Variants in ECI2 observed in about 807,000 individuals in gnomAD.
The protein encoded by ECI2 is enoyl-CoA delta isomerase 2.
In ECI2, 27 loss-of-function variants were observed where a neutral mutation model predicts 38.4. That is an observed-to-expected ratio of 0.70 (90% CI 0.52 to 0.97). The LOEUF is 0.97. Among genes scored for constraint, ECI2 ranks in the 50% least tolerant of loss-of-function variants. The pLI, the probability that ECI2 is intolerant of heterozygous loss-of-function variation, is 0.00. For missense variants in ECI2, 470 were observed against 474.4 expected, an observed-to-expected ratio of 0.99 and a Z score of 0.09; for synonymous variants, 168 against 172.0, an observed-to-expected ratio of 0.98 and a Z score of 0.18.
chr6:4,132,557 T>C (rs1225913906), intron 2 of ECI2, among the ~76,000 whole-genome samples: 3 of 152,170 alleles, frequency 2.0e-5, no homozygotes, highest in Non-Finnish European at 2.9e-5. Flanking sequence ...ATACCCATCA[T>C]AGGACAGAAA....
chr6:4,119,983 G>A (rs1347599157), intron 7 of ECI2, among the ~76,000 whole-genome samples: 1 of 152,200 alleles, frequency 6.6e-6, no homozygotes, highest in South Asian at 2.1e-4. Flanking sequence ...CCATGCTGTT[G>A]TATGTATTAG....
In ECI2 at chr6:4,135,426, G is replaced by A. The variant is rs532835655; in HGVS notation, c.50+85C>T. The A allele has an allele frequency of 2.5e-5, 40 of 1,605,734 alleles. No homozygotes were observed. In the African/African-American group the frequency reaches 4.4e-4, roughly 18 times the overall value. On this transcript the variant is annotated intron_variant, in intron 1 of 9. Coordinates refer to ENST00000380118, the MANE Select transcript of ECI2 (RefSeq NM_206836.3). ...TTGCCACCTAGACAATAGGGAAGGA[G>A]GGTCTTCCAACGGCGGCGACCTTCG...
At chr6:4,134,227 A>C (rs1459114365) in intron 1 of ECI2, among the ~76,000 whole-genome samples, 1 of 152,240 alleles carries the variant, frequency 6.6e-6, no homozygotes, top group Non-Finnish European at 1.5e-5. Context: ...ATGTGAACAT[A>C]CAAGAAATAT....
At chr6:4,131,384 G>A (rs1446364799) in intron 2 of ECI2, among the ~76,000 whole-genome samples, 1 of 152,178 alleles carries the variant, frequency 6.6e-6, no homozygotes, top group Non-Finnish European at 1.5e-5. Context: ...AAACCTAACT[G>A]AAGAACATGT....
chr6:4,130,680 T>C, intron 3 of ECI2, 87 bp downstream of exon 3: 4 of 1,602,184 alleles, frequency 2.5e-6, no homozygotes, highest in South Asian at 1.1e-5. Flanking sequence ...ATCAAGATCT[T>C]GAAGACTCCA....
intron 4 of ECI2, among the ~76,000 whole-genome samples, chr6:4,128,907 C>T (rs892535990): frequency 2.6e-5 from 4 of 152,152 alleles, no homozygotes; most frequent in Non-Finnish European, 5.9e-5. Context: ...GATGACTGTA[C>T]ATGAATAAGC....
At position 4,133,843 on chromosome 6, in the gene ECI2, A is replaced by C. The variant is rs553389311; in HGVS notation, c.51-132T>G. The C allele has an allele frequency of 3.7e-5, 41 of 1,105,742 alleles. 1 individual carries two copies. In the South Asian group the frequency reaches 8.6e-4, roughly 23 times the overall value. The allele number at this position is 1,105,742 out of a possible 1,614,324, so 68.5% of individuals were successfully genotyped here. On this transcript the variant is annotated intron_variant, in intron 1 of 9. Transcript: ENST00000380118. ...TAGATATTTTCTTTATACTTGCCTC[A>C]GCAAACTGGCTGCAAATAATTGGCT...
chr6:4,127,404 C>CTTTT lies in ECI2; in HGVS notation c.571+354_571+357dup, dbSNP rs71001567. Among the ~76,000 whole-genome samples the CTTTT allele has an allele frequency of 1.9e-3, 143 of 75,892 alleles. 25 individuals are homozygous for CTTTT. The highest frequency in any genetic ancestry group is 6.0e-3 in the African/African-American group (110 of 18,314). The allele number at this position is 75,892 out of a possible 152,430, so 49.8% of individuals were successfully genotyped here. A position where few individuals can be genotyped will look rare whatever the true frequency, so the allele number is the denominator to read the frequency against. ...ACAGTACTGGAAAAGATCTTAGAGC[C>CTTTT]TTTTTTTTTTTTTTTTTTTTTTTTT... On this transcript the variant is annotated intron_variant, in intron 5 of 9. Transcript: ENST00000380118.
intron 7 of ECI2, among the ~76,000 whole-genome samples, chr6:4,120,609 C>T (rs1351474260): frequency 1.3e-5 from 2 of 151,932 alleles, no homozygotes; most frequent in Non-Finnish European, 2.9e-5. Flanking sequence ...CACCTGGAGT[C>T]CCAGCTACTC....
chr6:4,127,916 A>G, intron 4 of ECI2, 85 bp from the exon 5 acceptor site: 1 of 1,345,408 alleles, frequency 7.4e-7, no homozygotes, highest in Non-Finnish European at 1.0e-6. Flanking sequence ...TCAGGCTGCA[A>G]GCTTGCTCTC....
intron 2 of ECI2, among the ~76,000 whole-genome samples, chr6:4,133,218 T>C (rs901720596): frequency 7.2e-5 from 11 of 152,234 alleles, no homozygotes; most frequent in African/African-American, 2.7e-4. Flanking sequence ...TAACACTCTG[T>C]CCTTACTCAA....
At chr6:4,134,134 A>C (rs754726188) in intron 1 of ECI2, among the ~76,000 whole-genome samples, 4 of 152,234 alleles carry the variant, frequency 2.6e-5, no homozygotes, top group Non-Finnish European at 5.9e-5. Context: ...GATAAGCCAT[A>C]AGCTATATCA....
At chr6:4,122,487 C>T (rs1294038033) in intron 7 of ECI2, among the ~76,000 whole-genome samples, 1 of 151,956 alleles carries the variant, frequency 6.6e-6, no homozygotes, top group Non-Finnish European at 1.5e-5. Flanking sequence ...TCCCAAAGTG[C>T]TAAGATTACA....
chr6:4,119,162 A>G, intron 8 of ECI2, 24 bp downstream of exon 8: 1 of 1,574,266 alleles, frequency 6.4e-7, no homozygotes, highest in Non-Finnish European at 8.7e-7. Context: ...ATAAAATTTT[A>G]TATTTAAACA....
At position 4,135,550 on chromosome 6, in the gene ECI2, G is replaced by A; in HGVS notation, c.11C>T (p.Ala4Val). 2.0e-6 allele frequency: 3 copies of A among 1,505,268 alleles called. No homozygotes were observed. The highest frequency in any genetic ancestry group is 1.4e-5 in the African/African-American group (1 of 69,468). The allele number at this position is 1,505,268 out of a possible 1,614,324, so 93.2% of individuals were successfully genotyped here. A position where few individuals can be genotyped will look rare whatever the true frequency, so the allele number is the denominator to read the frequency against. The change falls in exon 1 of 10, where the codon GCG (alanine) becomes GTG (valine). Residue 4 changes from alanine to valine, a missense_variant. Coordinates refer to ENST00000380118, the MANE Select transcript of ECI2 (RefSeq NM_206836.3). ...CCGCGCCAGTCTCCAAGCCAAGTAC[G>A]CCATCGCCATCCCTTGGGCGGCTCT... MAMAYLAWRLARRS... is the reference protein window; with the variant it reads MAMVYLAWRLARRS...
At chr6:4,123,325 C>T (rs1230639752) in intron 7 of ECI2, among the ~76,000 whole-genome samples, 3 of 151,694 alleles carry the variant, frequency 2.0e-5, no homozygotes, top group Non-Finnish European at 2.9e-5. Flanking sequence ...TACAGACACC[C>T]GCCACCAAGC....
chr6:4,123,536 T>C (rs1354717561), intron 7 of ECI2, among the ~76,000 whole-genome samples: 1 of 150,132 alleles, frequency 6.7e-6, no homozygotes, highest in East Asian at 1.9e-4. Flanking sequence ...TTTTAGCATT[T>C]AATATATATA....
At chr6:4,116,783 A>G (rs916543371) in intron 9 of ECI2, among the ~76,000 whole-genome samples, 2 of 152,148 alleles carry the variant, frequency 1.3e-5, no homozygotes, top group Non-Finnish European at 2.9e-5. Context: ...GTAATATAAG[A>G]CAGTGCTTCT....
At chr6:4,125,573 G>A (rs781758519) in intron 6 of ECI2, 15 of 685,378 alleles carry the variant, frequency 2.2e-5, no homozygotes, top group Non-Finnish European at 3.6e-5. Context: ...GGCAGTGGAT[G>A]GAAGACCAAC....
Sources: allele counts gnomAD v4.1 joint callset (sites outside exome capture counted in the v4.1 genomes callset), GRCh38; gene constraint gnomAD v4.1.1; transcripts MANE v1.5; gene names NCBI Gene and HGNC (gene_info 2026-07-23, HGNC 2026-07-21).